MFHAS1: variants seen among roughly 807,000 people sequenced by gnomAD.
MFHAS1 encodes multifunctional ROCO family signaling regulator 1.
MFHAS1 carries 50 observed loss-of-function variants against 70.4 expected under a neutral mutation model. That is an observed-to-expected ratio of 0.71 (90% CI 0.57 to 0.90). The LOEUF (loss-of-function observed/expected upper bound fraction) is 0.90, where lower values mean the gene tolerates loss of function less well. MFHAS1 is among the 40% of genes least tolerant of loss of function. MFHAS1 has a pLI of 0.00. For synonymous variants in MFHAS1, 952 were observed against 620.0 expected (o/e 1.54, Z -7.96); for missense variants, 1,795 against 1,347.6 (o/e 1.33, Z -5.20).
At position 8,879,777 on chromosome 8, in the gene MFHAS1, T is replaced by G. The variant is rs111984210; in HGVS notation, c.2998+10284A>C. 8.7e-3 allele frequency among the ~76,000 whole-genome samples: 1,326 copies of G among 152,314 alleles called. 20 individuals carry two copies. The highest frequency in any genetic ancestry group is 0.031 in the African/African-American group (1,276 of 41,564). On this transcript the variant is annotated intron_variant, in intron 1 of 2. Transcript: ENST00000276282. ...CCCAAGCCCAAGATCAGGTATTTTATTTTCCTAGAACTCCCAGTTCAGTAC... is the reference window on the plus strand; with the variant it reads ...CCCAAGCCCAAGATCAGGTATTTTAGTTTCCTAGAACTCCCAGTTCAGTAC...
rs570741558 is a variant in MFHAS1 at position 8,788,461 on chromosome 8, C to T, written c.3126-2406G>A. On this transcript the variant is annotated intron_variant, in intron 2 of 2. Coordinates refer to ENST00000276282, the MANE Select transcript of MFHAS1 (RefSeq NM_004225.3). Reference sequence around the variant, plus strand: ...TGGAAGGCTGAGGCAGGCAGATCACCTGAGGTCAGGAGTTTGAGACCAGCC... The same window carrying T: ...TGGAAGGCTGAGGCAGGCAGATCACTTGAGGTCAGGAGTTTGAGACCAGCC... Among the ~76,000 whole-genome samples the T allele has an allele frequency of 3.5e-3, 540 of 152,292 alleles. 1 individual carries two copies. Among genetic ancestry groups the T allele is most frequent in the Non-Finnish European group, 5.4e-3 (368 of 68,022 alleles).
Position 8,892,969 on chromosome 8 carries a change from G to T in MFHAS1, c.90C>A (p.Arg30=). 1 of 1,543,592 alleles carries T rather than the reference G, an allele frequency of 6.5e-7. No homozygotes were observed. Among genetic ancestry groups the T allele is most frequent in the Non-Finnish European group, 8.7e-7 (1 of 1,146,772 alleles). Residue 30 remains arginine, a synonymous_variant, in exon 1 of 3, where the codon CGC becomes CGA. Transcript: ENST00000276282. The surrounding 1 kb of genome is among the most constrained non-coding windows in gnomAD (Gnocchi z 4.7). ...LRARKLRSNL[R]QLTLTAAGAC... ...CCCCGGCGGCGGTAAGCGTGAGCTG[G>T]CGCAGGTTGCTCCGCAGCTTCCTGG...
chr8:8,839,119 T>C (rs1234253492), intron 1 of MFHAS1, among the ~76,000 whole-genome samples: 2 of 152,138 alleles, frequency 1.3e-5, no homozygotes, highest in East Asian at 1.9e-4. Flanking sequence ...GAACTATCTA[T>C]TCTGGATATT....
intron 2 of MFHAS1, among the ~76,000 whole-genome samples, chr8:8,794,573 A>C (rs1161428829): frequency 6.6e-6 from 1 of 152,206 alleles, no homozygotes; most frequent in Non-Finnish European, 1.5e-5. Flanking sequence ...TTTTCTATAA[A>C]GTCACACAAG....
chr8:8,887,433 A>G (rs1486424175), intron 1 of MFHAS1, among the ~76,000 whole-genome samples: 1 of 151,960 alleles, frequency 6.6e-6, no homozygotes, highest in East Asian at 1.9e-4. Flanking sequence ...GAAATGTACT[A>G]TAATCATGTT....
rs1563225795 is a variant in MFHAS1, at chr8:8,891,816, T to A, written c.1243A>T (p.Met415Leu). ...AVQPRLKLLL[M>L]GHKAAGKTLL... is the part of the protein sequence containing the mutation. ...GTCTTTCCTGCAGCCTTATGCCCCATCAGGAGCAGCTTGAGCCGGGGCTGC... is the reference window on the plus strand; with the variant it reads ...GTCTTTCCTGCAGCCTTATGCCCCAACAGGAGCAGCTTGAGCCGGGGCTGC... Residue 415 changes from methionine (M) to leucine (L), a missense_variant, in exon 1 of 3, where the codon ATG becomes TTG. Coordinates refer to ENST00000276282, the MANE Select transcript of MFHAS1 (RefSeq NM_004225.3). The surrounding 1 kb of genome is among the most constrained non-coding windows in gnomAD (Gnocchi z 5.4). 6 of 1,613,294 alleles carry A rather than the reference T, an allele frequency of 3.7e-6. No individual in the cohort carries two copies. The African/African-American group carries it at 6.7e-5, about 18-fold the overall frequency.
chr8:8,890,580 T>A lies in MFHAS1; in HGVS notation c.2479A>T (p.Met827Leu), dbSNP rs773282757. 1 of 1,613,762 alleles carries A rather than the reference T, an allele frequency of 6.2e-7. No homozygotes were observed. Among genetic ancestry groups the A allele is most frequent in the Non-Finnish European group, 8.5e-7 (1 of 1,180,038 alleles). Residue 827 changes from methionine (M) to leucine (L), a missense_variant, in exon 1 of 3, where the codon ATG (methionine) becomes TTG (leucine). Physicochemically the swap from Met to Leu is conservative, Grantham distance 15. Coordinates refer to ENST00000276282, the MANE Select transcript of MFHAS1 (RefSeq NM_004225.3). Reference sequence around the variant, plus strand: ...TTATTGAGGCAGTAACAGAGTCCCATCTTCTCCAGCAGCTCCAGCAACAGC... The same window carrying A: ...TTATTGAGGCAGTAACAGAGTCCCAACTTCTCCAGCAGCTCCAGCAACAGC... ...LQLLLELLEK[M>L]GLCYCLNKPK...
intron 1 of MFHAS1, among the ~76,000 whole-genome samples, chr8:8,841,819 T>C (rs1020753326): frequency 6.6e-6 from 1 of 152,206 alleles, no homozygotes; most frequent in South Asian, 2.1e-4. Flanking sequence ...CCTGTTCGTA[T>C]CCCAGAATAA....
At chr8:8,863,198 C>T (rs189404350) in intron 1 of MFHAS1, among the ~76,000 whole-genome samples, 7 of 152,292 alleles carry the variant, frequency 4.6e-5, no homozygotes, top group East Asian at 3.9e-4. Flanking sequence ...TTTATACTTA[C>T]GCCAATACTA....
intron 1 of MFHAS1, among the ~76,000 whole-genome samples, chr8:8,835,662 T>C (rs1807570734): frequency 6.6e-6 from 1 of 152,252 alleles, no homozygotes; most frequent in Admixed American, 6.5e-5. Context: ...TTCCTCAGGA[T>C]TCCTGCCACT....
At chr8:8,786,121 T>A in intron 2 of MFHAS1, 66 bp from the exon 3 acceptor site, 1 of 1,384,948 alleles carries the variant, frequency 7.2e-7, no homozygotes, top group Non-Finnish European at 1.0e-6. Context: ...CTACCCTCAA[T>A]AAGAAAAGGA....
intron 1 of MFHAS1, among the ~76,000 whole-genome samples, chr8:8,811,314 T>A (rs1806538388): frequency 7.1e-6 from 1 of 139,932 alleles, no homozygotes; most frequent in Non-Finnish European, 1.5e-5. Flanking sequence ...GAATAAAAAT[T>A]TTTTTTTTTT....
chr8:8,833,929 C>G (rs949189442), intron 1 of MFHAS1, among the ~76,000 whole-genome samples: 11 of 152,082 alleles, frequency 7.2e-5, no homozygotes, highest in Admixed American at 1.3e-4. Context: ...AGTTCAACAC[C>G]TGCCTGGCCA....
intron 1 of MFHAS1, among the ~76,000 whole-genome samples, chr8:8,885,554 T>G (rs76285692): frequency 6.6e-6 from 1 of 152,194 alleles, no homozygotes; most frequent in South Asian, 2.1e-4. Flanking sequence ...TAGAACAGAA[T>G]AAAAGCATAA....
intron 1 of MFHAS1, among the ~76,000 whole-genome samples, chr8:8,886,310 T>C (rs566668220): frequency 2.0e-5 from 3 of 152,084 alleles, no homozygotes; most frequent in East Asian, 3.9e-4. Flanking sequence ...GGACCACAAG[T>C]GTGCACGCTT....
chr8:8,823,561 A>C (rs1346677568), intron 1 of MFHAS1, among the ~76,000 whole-genome samples: 1 of 151,828 alleles, frequency 6.6e-6, no homozygotes, highest in African/African-American at 2.4e-5. Flanking sequence ...GTAAAAATAT[A>C]TTTTCTACTT....
chr8:8,792,470 G>A (rs144767377), intron 2 of MFHAS1, among the ~76,000 whole-genome samples: 1 of 152,266 alleles, frequency 6.6e-6, no homozygotes, highest in Non-Finnish European at 1.5e-5. Flanking sequence ...GCTAGGTGCA[G>A]TGGCGTGTGC....
chr8:8,810,899 T>C (rs1196331935), intron 1 of MFHAS1, among the ~76,000 whole-genome samples: 1 of 152,036 alleles, frequency 6.6e-6, no homozygotes, highest in Non-Finnish European at 1.5e-5. Context: ...GGAGTGAAGG[T>C]TGGGACTGGG....
chr8:8,834,102 G>C (rs560777590), intron 1 of MFHAS1, among the ~76,000 whole-genome samples: 1 of 150,738 alleles, frequency 6.6e-6, no homozygotes, highest in Non-Finnish European at 1.5e-5. Flanking sequence ...CTCCAGCCTG[G>C]GCAACCGAGT....
Sources: gnomAD v4.1 joint callset for allele counts (sites outside exome capture counted in the v4.1 genomes callset) on GRCh38, gnomAD v4.1.1 for gene constraint, Gnocchi (gnomAD v3.1) non-coding constraint, MANE v1.5 for transcripts, NCBI Gene and HGNC (gene_info 2026-07-23, HGNC 2026-07-21) for gene names.